The following RBFOX1 variants were observed in gnomAD, a reference collection of about 807,000 sequenced individuals.
RBFOX1 encodes RNA binding fox-1 homolog 1, also known as RNA binding protein fox-1 homolog 1.
In RBFOX1, 8 loss-of-function variants were observed where a neutral mutation model predicts 57.7. The ratio of observed to expected loss-of-function variants is 0.14; its 90% CI spans 0.08 to 0.25. RBFOX1 has a LOEUF of 0.25. Among genes scored for constraint, RBFOX1 ranks in the 10% least tolerant of loss-of-function variants. The probability of loss-of-function intolerance (pLI) is 1.00; values close to 1 mark genes in which losing one functional copy is unlikely to be tolerated. For missense variants in RBFOX1, 611 were observed against 548.5 expected (o/e 1.11, Z -1.14); for synonymous variants, 326 against 222.4 (o/e 1.47, Z -4.15).
chr16:7,398,155 A>C (rs981163769), intron 4 of RBFOX1, among the ~76,000 whole-genome samples: 1 of 152,296 alleles, frequency 6.6e-6, no homozygotes, highest in East Asian at 1.9e-4. Flanking sequence ...CCTCTTTTGG[A>C]CCCATTTCAA....
intron 1 of RBFOX1, among the ~76,000 whole-genome samples, chr16:5,355,198 C>T (rs1198105801): frequency 6.6e-6 from 1 of 152,030 alleles, no homozygotes; most frequent in Non-Finnish European, 1.5e-5. Context: ...TGTGAGTTTC[C>T]CAAACTTGCA....
chr16:5,240,148 G>A, intron 1 of RBFOX1: 2 of 1,304,730 alleles, frequency 1.5e-6, no homozygotes, highest in Non-Finnish European at 2.1e-6. Flanking sequence ...CCGGGGGCGC[G>A]GGGGTGCCGG....
At chr16:6,251,990 T>C (rs2097617598) in intron 1 of RBFOX1, among the ~76,000 whole-genome samples, 1 of 152,068 alleles carries the variant, frequency 6.6e-6, no homozygotes, top group African/African-American at 2.4e-5. Flanking sequence ...CTGTGTAACA[T>C]AATGGAAAAA....
At chr16:5,521,240 C>G (rs969547994) in intron 2 of RBFOX1, among the ~76,000 whole-genome samples, 2 of 150,626 alleles carry the variant, frequency 1.3e-5, no homozygotes, top group African/African-American at 4.9e-5. Flanking sequence ...TCCCCAACTC[C>G]TTTATCTTTC....
At chr16:6,977,666 C>T (rs1210613142) in intron 3 of RBFOX1, among the ~76,000 whole-genome samples, 8 of 152,094 alleles carry the variant, frequency 5.3e-5, no homozygotes, top group Admixed American at 3.9e-4. Flanking sequence ...TGGCACTAAC[C>T]GAGTGCCAAG....
At chr16:5,775,327 A>G (rs1004514822) in intron 3 of RBFOX1, among the ~76,000 whole-genome samples, 1 of 151,824 alleles carries the variant, frequency 6.6e-6, no homozygotes, top group African/African-American at 2.4e-5. Context: ...CTTCCCTTCA[A>G]GTTTTCTGGG....
At chr16:7,709,450 T>G (rs1019349001) in intron 15 of RBFOX1, 1 of 1,400,986 alleles carries the variant, frequency 7.1e-7, no homozygotes, top group Admixed American at 3.0e-5. Context: ...TGCAGAACTT[T>G]TTTTTTTCTT....
chr16:7,413,920 G>C (rs950384465), intron 4 of RBFOX1, among the ~76,000 whole-genome samples: 2 of 152,100 alleles, frequency 1.3e-5, no homozygotes, highest in South Asian at 2.1e-4. Flanking sequence ...TGCAGAGCCT[G>C]GCACATTGTA....
At chr16:5,591,197 G>T (rs2046994675) in intron 2 of RBFOX1, among the ~76,000 whole-genome samples, 1 of 151,358 alleles carries the variant, frequency 6.6e-6, no homozygotes, top group Non-Finnish European at 1.5e-5. Context: ...TCAAGGGTCA[G>T]AAATATAAAA....
chr16:5,816,809 C>G (rs182319407), intron 3 of RBFOX1, among the ~76,000 whole-genome samples: 2 of 152,116 alleles, frequency 1.3e-5, no homozygotes, highest in Admixed American at 6.5e-5. Flanking sequence ...AGCCCTAGAT[C>G]TAGGCTGAAA....
chr16:6,813,478 C>G (rs1006274457), intron 3 of RBFOX1, among the ~76,000 whole-genome samples: 3 of 152,128 alleles, frequency 2.0e-5, no homozygotes, highest in African/African-American at 4.8e-5. Context: ...TCTTCAGAGA[C>G]AGGGCCAATG....
chr16:6,154,031 A>G (rs551829772), intron 1 of RBFOX1, among the ~76,000 whole-genome samples: 1 of 152,344 alleles, frequency 6.6e-6, no homozygotes, highest in South Asian at 2.1e-4. Context: ...TGGGTTCAAA[A>G]TGAGGATAAG....
intron 4 of RBFOX1, among the ~76,000 whole-genome samples, chr16:7,434,803 G>C (rs2098709324): frequency 6.6e-6 from 1 of 151,182 alleles, no homozygotes; most frequent in South Asian, 2.1e-4. Flanking sequence ...GCAGTGGTGT[G>C]ATCTCTGCTC....
At chr16:6,194,200 C>G (rs566442188) in intron 1 of RBFOX1, among the ~76,000 whole-genome samples, 1 of 152,218 alleles carries the variant, frequency 6.6e-6, no homozygotes, top group East Asian at 1.9e-4. Flanking sequence ...CTGCAGCTCC[C>G]CCATCTCAAC....
intron 2 of RBFOX1, among the ~76,000 whole-genome samples, chr16:6,446,235 C>A (rs2153036176): frequency 6.6e-6 from 1 of 152,232 alleles, no homozygotes; most frequent in South Asian, 2.1e-4. Flanking sequence ...AACTTCTGGG[C>A]CCAAGCAGTC....
intron 4 of RBFOX1, among the ~76,000 whole-genome samples, chr16:7,241,689 G>A (rs2094068994): frequency 6.6e-6 from 1 of 151,890 alleles, no homozygotes; most frequent in South Asian, 2.1e-4. Context: ...ATCTACATCT[G>A]GATGACAAAT....
chr16:7,044,151 C>T (rs781170622), intron 3 of RBFOX1, among the ~76,000 whole-genome samples: 1 of 151,880 alleles, frequency 6.6e-6, no homozygotes, highest in Non-Finnish European at 1.5e-5. Context: ...CCAGAAGGTG[C>T]TTGAGATATG....
intron 1 of RBFOX1, among the ~76,000 whole-genome samples, chr16:6,287,356 C>T (rs984245923): frequency 6.6e-6 from 1 of 152,066 alleles, no homozygotes; most frequent in East Asian, 1.9e-4. Flanking sequence ...TCGTTGTTTT[C>T]CCAGTAGGAA....
At chr16:5,902,509 A>T (rs566812502) in intron 4 of RBFOX1, among the ~76,000 whole-genome samples, 3 of 152,158 alleles carry the variant, frequency 2.0e-5, no homozygotes, top group Admixed American at 1.3e-4. Context: ...ACCGCCTCCC[A>T]GGTTCGAGTG....
Sources: gnomAD v4.1 joint callset for allele counts (sites outside exome capture counted in the v4.1 genomes callset) on GRCh38, gnomAD v4.1.1 for gene constraint, MANE v1.5 for transcripts, NCBI Gene and HGNC (gene_info 2026-07-23, HGNC 2026-07-21) for gene names.